Variants in VCAN observed in about 807,000 individuals in gnomAD.
VCAN encodes the protein versican.
Under a neutral mutation model 245.5 loss-of-function variants are expected in VCAN, and 44 were observed. That is an observed-to-expected ratio of 0.18 (90% confidence interval 0.14 to 0.23). The LOEUF is 0.23. VCAN is among the 10% of genes least tolerant of loss of function. The pLI is 1.00. For synonymous variants in VCAN, 1,413 were observed against 1,437.0 expected, an observed-to-expected ratio of 0.98 and a Z score of 0.38; for missense variants, 3,793 against 4,057.9, an observed-to-expected ratio of 0.93 and a Z score of 1.77.
chr5:83,560,746 G>C (rs1747835454), intron 12 of VCAN, among the ~76,000 whole-genome samples: 1 of 152,104 alleles, frequency 6.6e-6, no homozygotes, highest in African/African-American at 2.4e-5. Flanking sequence ...GGAGCTCAGA[G>C]ATTTAAAGCT....
chr5:83,540,368 C>T lies in VCAN; in HGVS notation c.7365C>T (p.Ser2455=), dbSNP rs748321799. Residue 2455 remains serine, a synonymous_variant, in exon 8 of 15, where the codon AGC becomes AGT. Coordinates refer to ENST00000265077, the MANE Select transcript of VCAN (RefSeq NM_004385.5). ...SATTQATRQE[S]STTFVSDGSL... ...CTACTCAGGCAACCAGACAAGAAAG[C>T]AGCACCACATTTGTTTCTGATGGGT... The T allele has an allele frequency of 3.7e-6, 6 of 1,614,024 alleles. No individual in the cohort carries two copies. The highest frequency in any genetic ancestry group is 1.6e-4 in the Middle Eastern group (1 of 6,062).
chr5:83,544,545 A>G (rs1747130139), intron 8 of VCAN, among the ~76,000 whole-genome samples: 1 of 152,178 alleles, frequency 6.6e-6, no homozygotes, highest in African/African-American at 2.4e-5. Context: ...AGGACTTAAG[A>G]TTCTTGAAAG....
At chr5:83,559,431 T>C (rs76545139) in intron 12 of VCAN, among the ~76,000 whole-genome samples, 14,682 of 152,198 alleles carry the variant, frequency 0.096, 754 homozygotes, top group South Asian at 0.14. Flanking sequence ...ATCCACTCCG[T>C]CTGCCACTTC....
chr5:83,547,571 G>T (rs148484867), intron 9 of VCAN, among the ~76,000 whole-genome samples: 1 of 152,176 alleles, frequency 6.6e-6, no homozygotes, highest in African/African-American at 2.4e-5. Flanking sequence ...AGTAGTCCAT[G>T]TGTGAGGTAA....
chr5:83,571,254 A>T (rs1256418520), intron 12 of VCAN, among the ~76,000 whole-genome samples: 1 of 152,076 alleles, frequency 6.6e-6, no homozygotes. Flanking sequence ...GGCCAATATT[A>T]TTTTCATCTT....
chr5:83,529,142 A>C (rs1338689395), intron 7 of VCAN, among the ~76,000 whole-genome samples: 1 of 152,016 alleles, frequency 6.6e-6, no homozygotes, highest in Non-Finnish European at 1.5e-5. Flanking sequence ...TTTGAAGTAC[A>C]TTCTGGTTAA....
chr5:83,576,526 A>G lies in VCAN; in HGVS notation c.9881-3454A>G, dbSNP rs957021518. Among the ~76,000 whole-genome samples, 320 of 152,258 alleles carry G rather than the reference A, an allele frequency of 2.1e-3. 1 individual carries two copies. Among genetic ancestry groups the G allele is most frequent in the African/African-American group, 7.3e-3 (305 of 41,570 alleles). ...TTTTGCTTTTATAAACAATGTTTCT[A>G]TGAGCATTCTTGAACTTGTTCTTGG... On this transcript the variant is annotated intron_variant, in intron 13 of 14. Coordinates refer to ENST00000265077, the MANE Select transcript of VCAN (RefSeq NM_004385.5).
chr5:83,540,173 A>G lies in VCAN; in HGVS notation c.7170A>G (p.Glu2390=). The G allele has an allele frequency of 6.2e-7, 1 of 1,614,056 alleles. No individual in the cohort carries two copies. Among genetic ancestry groups the G allele is most frequent in the Non-Finnish European group, 8.5e-7 (1 of 1,179,998 alleles). ...CTAACAAGAATTCTTCAACAGCAGA[A>G]ATTAACGAAACAACAACCTCATCTA... ...QDSNKNSSTA[E]INETTTSSTD... Residue 2390 remains glutamate, a synonymous_variant, in exon 8 of 15, where the codon GAA becomes GAG. Coordinates refer to ENST00000265077, the MANE Select transcript of VCAN (RefSeq NM_004385.5).
At position 83,542,162 on chromosome 5, in the gene VCAN, T is replaced by C; in HGVS notation, c.9159T>C (p.Thr3053=). Residue 3053 remains threonine, a synonymous_variant, in exon 8 of 15, where the codon ACT becomes ACC. Transcript: ENST00000265077. ...CAGTAAACCCTGTGGAATTTAATACTGAGGTTGCAACACCACCATTTTCCC... is the reference window on the plus strand; with the variant it reads ...CAGTAAACCCTGTGGAATTTAATACCGAGGTTGCAACACCACCATTTTCCC... ...QATVNPVEFN[T]EVATPPFSLL... 6.2e-7 allele frequency: 1 copy of C among 1,614,104 alleles called. No homozygotes were observed. The highest frequency in any genetic ancestry group is 8.5e-7 in the Non-Finnish European group (1 of 1,179,962).
rs1354904377 is a variant in VCAN at position 83,580,595 on chromosome 5, G to T, written c.*161G>T. 1 of 1,032,264 alleles carries T rather than the reference G, an allele frequency of 9.7e-7. No individual in the cohort carries two copies. Among genetic ancestry groups the T allele is most frequent in the Non-Finnish European group, 1.4e-6 (1 of 691,714 alleles). 63.9% of individuals were successfully genotyped at this position (1,032,264 alleles called of 1,614,324 possible). On this transcript the variant is annotated 3_prime_UTR_variant, in exon 15 of 15. Coordinates refer to ENST00000265077, the MANE Select transcript of VCAN (RefSeq NM_004385.5). ...TGCTCCCAAAACATTTTAAATGAAA[G>T]TATTGGCATTCAAAAAGACAGCAGA...
intron 9 of VCAN, 53 bp downstream of exon 9, chr5:83,545,703 G>C: frequency 7.5e-7 from 1 of 1,332,048 alleles, no homozygotes; most frequent in Non-Finnish European, 1.1e-6. Context: ...AGATATATTG[G>C]GGGAGAATTT....
In VCAN at chr5:83,521,544, T is replaced by C. The variant is rs1561245339; in HGVS notation, c.3238T>C (p.Leu1080=). 2 of 1,614,004 alleles carry C rather than the reference T, an allele frequency of 1.2e-6. No individual in the cohort carries two copies. Among genetic ancestry groups the C allele is most frequent in the African/African-American group, 1.3e-5 (1 of 75,030 alleles). ...AGCATATACAGTCTCTGAAGATGAA[T>C]TGTTGACAGGTTCTGAGAGGGTCCC... ...GSAYTVSEDE[L]LTGSERVPVL... is the part of the protein sequence containing the mutation. Residue 1080 remains leucine (L), a synonymous_variant, in exon 7 of 15, where the codon TTG becomes CTG. Coordinates refer to ENST00000265077, the MANE Select transcript of VCAN (RefSeq NM_004385.5).
intron 5 of VCAN, among the ~76,000 whole-genome samples, chr5:83,497,740 A>T (rs1745204523): frequency 6.6e-6 from 1 of 152,092 alleles, no homozygotes; most frequent in African/African-American, 2.4e-5. Context: ...TTTAAGGTAG[A>T]GTTGAGATGA....
intron 6 of VCAN, among the ~76,000 whole-genome samples, chr5:83,517,430 T>C (rs769964035): frequency 2.0e-5 from 3 of 152,220 alleles, no homozygotes; most frequent in Non-Finnish European, 2.9e-5. Context: ...TTAAATTTTC[T>C]CTAATATGCT....
chr5:83,575,207 T>TAC (rs1282247836), intron 13 of VCAN, among the ~76,000 whole-genome samples: 1 of 152,186 alleles, frequency 6.6e-6, no homozygotes, highest in Non-Finnish European at 1.5e-5. Context: ...AACACTAACA[T>TAC]ACATCAAGCC....
intron 12 of VCAN, among the ~76,000 whole-genome samples, chr5:83,566,319 A>T (rs553655082): frequency 6.6e-6 from 1 of 152,176 alleles, no homozygotes; most frequent in Non-Finnish European, 1.5e-5. Context: ...TGCATAAGGA[A>T]AAGGGCTATT....
chr5:83,504,236 T>G (rs1489016191), intron 5 of VCAN, among the ~76,000 whole-genome samples: 2 of 152,226 alleles, frequency 1.3e-5, no homozygotes, highest in African/African-American at 2.4e-5. Flanking sequence ...CTATAAGTAT[T>G]TAATTTGAAA....
chr5:83,501,590 A>G (rs1745331682), intron 5 of VCAN, among the ~76,000 whole-genome samples: 2 of 152,156 alleles, frequency 1.3e-5, no homozygotes, highest in African/African-American at 4.8e-5. Flanking sequence ...TTGAAAATCA[A>G]TTGACCATAG....
intron 9 of VCAN, among the ~76,000 whole-genome samples, chr5:83,547,408 A>C (rs1192821813): frequency 1.7e-4 from 26 of 152,206 alleles, no homozygotes; most frequent in Admixed American, 1.7e-3. Context: ...CACGTTGAAG[A>C]CTGCTGCCCT....
Sources: gnomAD v4.1 joint callset for allele counts (sites outside exome capture counted in the v4.1 genomes callset) on GRCh38, gnomAD v4.1.1 for gene constraint, MANE v1.5 for transcripts, NCBI Gene and HGNC (gene_info 2026-07-23, HGNC 2026-07-21) for gene names.